Variants in TNFRSF10A observed in about 807,000 individuals in gnomAD.
TNFRSF10A encodes tumor necrosis factor receptor superfamily member 10A.
TNFRSF10A carries 44 observed loss-of-function variants against 42.8 expected under a neutral mutation model. That is an observed-to-expected ratio of 1.03 (90% confidence interval 0.81 to 1.32). The LOEUF (loss-of-function observed/expected upper bound fraction) is 1.32. Ranked by LOEUF, TNFRSF10A falls within the 40% of genes most tolerant of loss-of-function variation. TNFRSF10A has a pLI of 0.00. For synonymous variants in TNFRSF10A, 259 were observed against 234.2 expected, an observed-to-expected ratio of 1.11 and a Z score of -0.97; for missense variants, 680 against 602.0, an observed-to-expected ratio of 1.13 and a Z score of -1.36.
intron 1 of TNFRSF10A, among the ~76,000 whole-genome samples, chr8:23,219,564 G>C (rs1267331359): frequency 6.6e-6 from 1 of 152,226 alleles, no homozygotes; most frequent in Non-Finnish European, 1.5e-5. Flanking sequence ...CACCATCGAA[G>C]TGCTGAAACC....
chr8:23,196,491 C>T (rs761927793), intron 9 of TNFRSF10A, among the ~76,000 whole-genome samples: 6 of 152,144 alleles, frequency 3.9e-5, no homozygotes, highest in African/African-American at 1.4e-4. Flanking sequence ...CCACCGTGCC[C>T]GGCCCACATT....
At chr8:23,218,710 C>T (rs1801217508) in intron 1 of TNFRSF10A, among the ~76,000 whole-genome samples, 1 of 152,144 alleles carries the variant, frequency 6.6e-6, no homozygotes, top group Non-Finnish European at 1.5e-5. Flanking sequence ...AAATACTCCC[C>T]TGGGAAAGGT....
Position 23,202,749 on chromosome 8 carries a change from G to C in TNFRSF10A, c.416C>G (p.Ser139Ter), listed in dbSNP as rs761943362. The part of the protein sequence containing the change: ...GELCPPGSHR[S>*]EHPGACNRCT... ...CCGGTTACAGGCTCCAGGATGTTCTGATCTATGAGATCCTGGGAAGGGAGA... is the reference window on the plus strand; with the variant it reads ...CCGGTTACAGGCTCCAGGATGTTCTCATCTATGAGATCCTGGGAAGGGAGA... Residue 139 changes from serine to a stop codon, truncating the protein, a stop_gained, in exon 3 of 10, where the codon TCA becomes TGA. Coordinates refer to ENST00000221132, the MANE Select transcript of TNFRSF10A (RefSeq NM_003844.4). LOFTEE classifies it high-confidence loss of function. The C allele has an allele frequency of 1.6e-5, 25 of 1,610,378 alleles. No homozygotes were observed. The Admixed American group carries it at 3.3e-4, about 21-fold the overall frequency.
chr8:23,217,451 C>T (rs1801200129), intron 1 of TNFRSF10A, among the ~76,000 whole-genome samples: 1 of 152,056 alleles, frequency 6.6e-6, no homozygotes, highest in Non-Finnish European at 1.5e-5. Flanking sequence ...TCCTTGACCT[C>T]GTGATCTGCC....
intron 1 of TNFRSF10A, among the ~76,000 whole-genome samples, chr8:23,217,950 C>T (rs1801207657): frequency 6.6e-6 from 1 of 152,086 alleles, no homozygotes; most frequent in South Asian, 2.1e-4. Flanking sequence ...GGGAAAGGTC[C>T]ACATAGAGGG....
chr8:23,210,993 T>C (rs986867686), intron 2 of TNFRSF10A, among the ~76,000 whole-genome samples: 1 of 152,166 alleles, frequency 6.6e-6, no homozygotes, highest in South Asian at 2.1e-4. Context: ...TGAAAGATGT[T>C]CTCCAAAAAA....
intron 1 of TNFRSF10A, 114 bp from the exon 2 acceptor site, chr8:23,212,326 T>C: frequency 1.2e-6 from 1 of 868,350 alleles, no homozygotes; most frequent in Admixed American, 2.0e-5. Flanking sequence ...CTTGCATCTT[T>C]CTCCCAGTTC....
chr8:23,201,813 G>C lies in TNFRSF10A; in HGVS notation c.624C>G (p.Ser208Arg), dbSNP rs1005312028. The C allele has an allele frequency of 6.2e-7, 1 of 1,613,194 alleles. No homozygotes were observed. ...DNSAEMCRKC[S>R]RGCPRGMVKV... ...CCCCTTGGCTGTTGTCTCACCCTCTGCTGCACTTCCGGCACATCTCAGCAG... is the reference window on the plus strand; with the variant it reads ...CCCCTTGGCTGTTGTCTCACCCTCTCCTGCACTTCCGGCACATCTCAGCAG... The change falls in exon 4 of 10, where the codon AGC (serine) becomes AGG (arginine). Residue 208 changes from serine to arginine, a missense_variant. Coordinates refer to ENST00000221132, the MANE Select transcript of TNFRSF10A (RefSeq NM_003844.4).
chr8:23,192,599 T>C (rs1800771636), intron 9 of TNFRSF10A, among the ~76,000 whole-genome samples: 1 of 152,182 alleles, frequency 6.6e-6, no homozygotes, highest in Non-Finnish European at 1.5e-5. Context: ...TGCAAAGCAC[T>C]GCACACCACC....
intron 2 of TNFRSF10A, among the ~76,000 whole-genome samples, chr8:23,208,282 T>G (rs1801045701): frequency 6.6e-6 from 1 of 152,132 alleles, no homozygotes; most frequent in African/African-American, 2.4e-5. Context: ...GAAGAGGTGA[T>G]TTAGGGTATG....
At position 23,203,987 on chromosome 8, in the gene TNFRSF10A, C is replaced by T. The variant is rs572171686; in HGVS notation, c.404-1226G>A. Among the ~76,000 whole-genome samples the T allele has an allele frequency of 2.0e-5, 3 of 152,010 alleles. No individual in the cohort carries two copies. The East Asian group carries it at 5.8e-4, about 29-fold the overall frequency. On this transcript the variant is annotated intron_variant, in intron 2 of 9. Transcript: ENST00000221132. ...GAGACGGGGTTTCACTAGGTTTCAC[C>T]AGGATGGTCTCGATCTCCTGACCTC...
intron 9 of TNFRSF10A, among the ~76,000 whole-genome samples, chr8:23,192,688 AG>A (rs1240299637): frequency 1.3e-5 from 2 of 152,254 alleles, no homozygotes; most frequent in Non-Finnish European, 2.9e-5. Context: ...AAAAGAAAAA[AG>A]TGACATTCAT....
At position 23,199,811 on chromosome 8, in the gene TNFRSF10A, C is replaced by T. The variant is rs1563378469; in HGVS notation, c.831+75G>A. The stretch of plus-strand genomic sequence containing the variant: ...AGCCATGAGAGCACGGGGACCCACC[C>T]ACCTGGACTACACTGTGGGCAAGAA... On this transcript the variant is annotated intron_variant, in intron 7 of 9. Coordinates refer to ENST00000221132, the MANE Select transcript of TNFRSF10A (RefSeq NM_003844.4). 2 of 1,607,580 alleles carry T rather than the reference C, an allele frequency of 1.2e-6. No homozygotes were observed. Among genetic ancestry groups the T allele is most frequent in the East Asian group, 4.5e-5 (2 of 44,858 alleles).
At chr8:23,212,854 A>T (rs1311495209) in intron 1 of TNFRSF10A, among the ~76,000 whole-genome samples, 3 of 152,268 alleles carry the variant, frequency 2.0e-5, no homozygotes, top group Non-Finnish European at 4.4e-5. Context: ...CTCCAAGATC[A>T]GGAACAAGAC....
intron 1 of TNFRSF10A, among the ~76,000 whole-genome samples, chr8:23,218,632 C>T (rs73222597): frequency 0.14 from 21,983 of 152,012 alleles, 1,846 homozygotes; most frequent in Middle Eastern, 0.25. Flanking sequence ...GGTGGCTTTA[C>T]ATGACTTCTC....
At chr8:23,210,196 T>C (rs1159861205) in intron 2 of TNFRSF10A, among the ~76,000 whole-genome samples, 1 of 152,170 alleles carries the variant, frequency 6.6e-6, no homozygotes, top group Non-Finnish European at 1.5e-5. Context: ...CAATTAAACC[T>C]CTTTCTTTTG....
Position 23,199,234 on chromosome 8 carries a change from C to T in TNFRSF10A, c.1014+32G>A, listed in dbSNP as rs567000731. On this transcript the variant is annotated intron_variant, in intron 8 of 9. Transcript: ENST00000221132. ...AGGCATGGCCTTCACCCCCTGCCTA[C>T]AAGGTCTTGGAGGGGCCTGTCCCCA... is the stretch of plus-strand genomic sequence containing the variant. 151 of 1,594,182 alleles carry T rather than the reference C, an allele frequency of 9.5e-5. No homozygotes were observed. The South Asian group carries it at 1.6e-3, about 17-fold the overall frequency.
In TNFRSF10A at chr8:23,199,515, G is replaced by A. The variant is rs560266832; in HGVS notation, c.832-67C>T. 67 of 1,557,644 alleles carry A rather than the reference G, an allele frequency of 4.3e-5. No individual in the cohort carries two copies. In the African/African-American group the frequency reaches 4.6e-4, roughly 11 times the overall value. The stretch of plus-strand genomic sequence containing the variant: ...GCTCCCCACGGGGTCCGTAGGGCAC[G>A]GCTGGACCTGCTGCCACCACCCCCT... On this transcript the variant is annotated intron_variant, in intron 7 of 9. Coordinates refer to ENST00000221132, the MANE Select transcript of TNFRSF10A (RefSeq NM_003844.4).
At chr8:23,207,026 AAAAG>A in intron 2 of TNFRSF10A, 1 of 422,070 alleles carries the variant, frequency 2.4e-6, no homozygotes, top group Non-Finnish European at 4.5e-6. Context: ...TGCCATGAAA[AAAAG>A]AATATCCATA....
Sources: gnomAD v4.1 joint callset for allele counts (sites outside exome capture counted in the v4.1 genomes callset) on GRCh38, gnomAD v4.1.1 for gene constraint, MANE v1.5 for transcripts, NCBI Gene and HGNC (gene_info 2026-07-23, HGNC 2026-07-21) for gene names.